Variants in ZRANB1 observed in about 807,000 individuals in gnomAD.
The protein encoded by ZRANB1 is zinc finger RANBP2-type containing 1.
In ZRANB1, 16 loss-of-function variants were observed where a neutral mutation model predicts 80.5. The observed-to-expected ratio is 0.20, with a 90% CI of 0.13 to 0.30. ZRANB1 has a LOEUF of 0.30. Ranked by LOEUF, ZRANB1 falls within the 10% of genes least tolerant of loss-of-function variation. The pLI, the probability that ZRANB1 is intolerant of heterozygous loss-of-function variation, is 1.00. For synonymous variants in ZRANB1, 291 were observed against 293.1 expected (o/e 0.99, Z 0.07); for missense variants, 576 against 862.6 (o/e 0.67, Z 4.16).
Position 124,986,508 on chromosome 10 carries a change from G to C in ZRANB1, c.*1516G>C, listed in dbSNP as rs2134017575. 1 of 152,220 alleles carries C rather than the reference G, an allele frequency of 6.6e-6. No individual in the cohort carries two copies. Among genetic ancestry groups the C allele is most frequent in the East Asian group, 1.9e-4 (1 of 5,190 alleles). 9.4% of individuals were successfully genotyped at this position (152,220 alleles called of 1,614,324 possible). A position where few individuals can be genotyped will look rare whatever the true frequency, so the allele number is the denominator to read the frequency against. On this transcript the variant is annotated 3_prime_UTR_variant, in exon 9 of 9. Transcript: ENST00000359653. ...TTTCCCCCCGAAAACTCAGTAAAAAGGTGTTCCCAGGATGAAAAGATCATT... is the reference window on the plus strand; with the variant it reads ...TTTCCCCCCGAAAACTCAGTAAAAACGTGTTCCCAGGATGAAAAGATCATT...
intron 1 of ZRANB1, among the ~76,000 whole-genome samples, chr10:124,955,198 C>T (rs145344190): frequency 1.9e-4 from 29 of 150,858 alleles, no homozygotes; most frequent in Admixed American, 1.4e-3. Context: ...AAAAATGGTT[C>T]GAGTTAAAAA....
At chr10:124,918,039 A>T in the ZRANB1 span, among the ~76,000 whole-genome samples, 3 of 152,126 alleles carry the variant, frequency 2.0e-5, no homozygotes, top group Non-Finnish European at 2.9e-5. Context: ...AGGATATTGT[A>T]TTTCAGTCAG....
At chr10:124,940,997 T>A (rs1273114529), upstream of ZRANB1, among the ~76,000 whole-genome samples, 1 of 149,564 alleles carries the variant, frequency 6.7e-6, no homozygotes, top group African/African-American at 2.5e-5. Context: ...AAAACAAAAA[T>A]GAAAACAACA....
At chr10:124,940,569 G>A (rs1368178347), upstream of ZRANB1, 1 of 1,280,674 alleles carries the variant, frequency 7.8e-7, no homozygotes. Flanking sequence ...TTTTATTTTA[G>A]CTATTAAGTA....
chr10:124,963,550 G>GTTTTTTTTTTTTTTTTTTT (rs1564962032), intron 1 of ZRANB1, among the ~76,000 whole-genome samples: 1 of 75,154 alleles, frequency 1.3e-5, no homozygotes, highest in Non-Finnish European at 2.6e-5. Context: ...TTTTTTTTTT[G>GTTTTTTTTTTTTTTTTTTT]TTTGTTTTTT....
the ZRANB1 span, among the ~76,000 whole-genome samples, chr10:124,927,202 G>A: frequency 4.6e-5 from 7 of 152,100 alleles, no homozygotes; most frequent in East Asian, 5.8e-4. Flanking sequence ...TGATCCGCCC[G>A]CCTCGGCCTC....
At chr10:124,920,211 C>T in the ZRANB1 span, among the ~76,000 whole-genome samples, 1 of 152,200 alleles carries the variant, frequency 6.6e-6, no homozygotes, top group Non-Finnish European at 1.5e-5. Flanking sequence ...AGGCGTGAGC[C>T]ACCGCACTCG....
At chr10:124,932,307 T>C in the ZRANB1 span, among the ~76,000 whole-genome samples, 12 of 105,762 alleles carry the variant, frequency 1.1e-4, no homozygotes, top group East Asian at 2.7e-3. Flanking sequence ...TTTTTTTTTT[T>C]GAGATGGAGT....
the ZRANB1 span, among the ~76,000 whole-genome samples, chr10:124,929,359 T>A: frequency 6.7e-6 from 1 of 149,518 alleles, no homozygotes; most frequent in Non-Finnish European, 1.5e-5. Context: ...TTTTTTTTTG[T>A]AACGGAGTCT....
At chr10:124,920,341 GA>G in the ZRANB1 span, among the ~76,000 whole-genome samples, 2 of 152,110 alleles carry the variant, frequency 1.3e-5, no homozygotes, top group African/African-American at 4.8e-5. Flanking sequence ...ATTCGATTTG[GA>G]ATATTTGTGC....
At chr10:124,917,174 T>TCGCCGCTGCCGCCGCCGC in the ZRANB1 span, 8 of 166,028 alleles carry the variant, frequency 4.8e-5, no homozygotes, top group East Asian at 5.4e-4. Context: ...GCGCGGGGAG[T>TCGCCGCTGCCGCCGCCGC]CGCCGCTGCC....
At position 124,983,862 on chromosome 10, in the gene ZRANB1, T is replaced by TG. The variant is rs1161395777; in HGVS notation, c.1908+178dup. On this transcript the variant is annotated intron_variant, in intron 8 of 8. Transcript: ENST00000359653. This position sits in a 1 kb window ranked among gnomAD's most constrained non-coding sequence, Gnocchi z 6.2. Reference sequence around the variant, plus strand: ...AATTTACCTTTTCAAAACTGCTGTATGGGGACACATCAAGGAACTTAAGGT... The same window carrying TG: ...AATTTACCTTTTCAAAACTGCTGTATGGGGGACACATCAAGGAACTTAAGGT... Among the ~76,000 whole-genome samples, 1 of 152,196 alleles carries TG rather than the reference T, an allele frequency of 6.6e-6. No homozygotes were observed. The highest frequency in any genetic ancestry group is 2.4e-5 in the African/African-American group (1 of 41,448).
chr10:124,974,763 G>A (rs17636542), intron 5 of ZRANB1, among the ~76,000 whole-genome samples: 5,449 of 152,236 alleles, frequency 0.036, 150 homozygotes, highest in Non-Finnish European at 0.054. Context: ...TGATAAGGCC[G>A]TTGCTCATCT....
the ZRANB1 span, among the ~76,000 whole-genome samples, chr10:124,922,381 T>G: frequency 6.7e-6 from 1 of 148,640 alleles, no homozygotes; most frequent in African/African-American, 2.5e-5. Flanking sequence ...GGCTGGAGTG[T>G]ATGGCATGAT....
chr10:124,925,162 G>A, the ZRANB1 span, among the ~76,000 whole-genome samples: 1 of 152,010 alleles, frequency 6.6e-6, no homozygotes, highest in Non-Finnish European at 1.5e-5. Flanking sequence ...CACCCGCCTC[G>A]GCCTCCCAAA....
chr10:124,919,538 C>T, the ZRANB1 span, among the ~76,000 whole-genome samples: 1 of 151,450 alleles, frequency 6.6e-6, no homozygotes, highest in African/African-American at 2.4e-5. Flanking sequence ...CGGAGCAGGA[C>T]TCCATTTCAA....
chr10:124,960,453 A>ACAGGG (rs1299731908), intron 1 of ZRANB1, among the ~76,000 whole-genome samples: 6 of 152,158 alleles, frequency 3.9e-5, no homozygotes, highest in African/African-American at 1.4e-4. Flanking sequence ...TTAAACAGAG[A>ACAGGG]CAGGGTCTCA....
chr10:124,955,724 C>T (rs1269619302), intron 1 of ZRANB1, among the ~76,000 whole-genome samples: 6 of 152,104 alleles, frequency 3.9e-5, no homozygotes, highest in African/African-American at 1.4e-4. Flanking sequence ...CTGTTTTGAT[C>T]TTGGAACACT....
chr10:124,930,290 G>C, the ZRANB1 span, among the ~76,000 whole-genome samples: 1 of 152,070 alleles, frequency 6.6e-6, no homozygotes, highest in South Asian at 2.1e-4. Context: ...TTCTTTCATG[G>C]ATTCTCACTC....
Sources: gnomAD v4.1 joint callset for allele counts (sites outside exome capture counted in the v4.1 genomes callset) on GRCh38, gnomAD v4.1.1 for gene constraint, Gnocchi (gnomAD v3.1) non-coding constraint, MANE v1.5 for transcripts, NCBI Gene and HGNC (gene_info 2026-07-23, HGNC 2026-07-21) for gene names.